The following MYT1L variants were observed in gnomAD, a reference collection of about 807,000 sequenced individuals.
The protein encoded by MYT1L is myelin transcription factor 1 like.
Under a neutral mutation model 126.7 loss-of-function variants are expected in MYT1L, and 12 were observed. The observed-to-expected ratio is 0.09, with a 90% CI of 0.06 to 0.15. MYT1L has a LOEUF of 0.15. Ranked by LOEUF, MYT1L falls within the 10% of genes least tolerant of loss-of-function variation. MYT1L has a pLI of 1.00. For synonymous variants in MYT1L, 541 were observed against 604.2 expected, an observed-to-expected ratio of 0.90 and a Z score of 1.53; for missense variants, 979 against 1,585.2, an observed-to-expected ratio of 0.62 and a Z score of 6.49.
chr2:1,900,884 C>A (rs1171816715), intron 14 of MYT1L, among the ~76,000 whole-genome samples: 1 of 152,148 alleles, frequency 6.6e-6, no homozygotes, highest in Non-Finnish European at 1.5e-5. Context: ...GCTTTAGTGT[C>A]CACAGGAGGG....
At chr2:2,001,237 C>CTTTTTTTTTTTTTTTGT (rs2062354356) in intron 4 of MYT1L, among the ~76,000 whole-genome samples, 1 of 103,908 alleles carries the variant, frequency 9.6e-6, no homozygotes, top group Non-Finnish European at 1.9e-5. Context: ...TTGGTTTTAG[C>CTTTTTTTTTTTTTTTGT]TTTTTTTTTT....
chr2:2,232,876 C>G (rs1042951032), intron 2 of MYT1L, among the ~76,000 whole-genome samples: 17 of 152,186 alleles, frequency 1.1e-4, no homozygotes, highest in Non-Finnish European at 1.5e-5. Context: ...GCTCCCTTCT[C>G]TCTGATTGTA....
At chr2:2,013,061 C>A (rs530501367) in intron 4 of MYT1L, among the ~76,000 whole-genome samples, 1 of 152,096 alleles carries the variant, frequency 6.6e-6, no homozygotes, top group Admixed American at 6.5e-5. Flanking sequence ...GGAATGTATC[C>A]CACAGATACA....
At chr2:2,200,730 A>C (rs60502090) in intron 2 of MYT1L, among the ~76,000 whole-genome samples, 1,882 of 152,286 alleles carry the variant, frequency 0.012, 39 homozygotes, top group African/African-American at 0.043. Context: ...TACTCTTCTG[A>C]AAAGGGAGTT....
chr2:2,010,668 T>C (rs1490216173), intron 4 of MYT1L, among the ~76,000 whole-genome samples: 2 of 152,176 alleles, frequency 1.3e-5, no homozygotes, highest in Non-Finnish European at 2.9e-5. Flanking sequence ...CATGATCTTC[T>C]ATGCAATGGC....
intron 5 of MYT1L, among the ~76,000 whole-genome samples, chr2:1,986,309 C>A (rs965607008): frequency 6.6e-6 from 1 of 152,130 alleles, no homozygotes; most frequent in Non-Finnish European, 1.5e-5. Flanking sequence ...GGGAATGCCA[C>A]GTCAATGGAA....
At chr2:2,200,050 G>T (rs2092993851) in intron 2 of MYT1L, among the ~76,000 whole-genome samples, 1 of 152,108 alleles carries the variant, frequency 6.6e-6, no homozygotes, top group Non-Finnish European at 1.5e-5. Flanking sequence ...GGGCCTTACG[G>T]TTTACAAAAT....
rs1304502003 is a variant in MYT1L at position 1,814,026 on chromosome 2, C to CAAAA, written c.3081-4860_3081-4859insTTTT. 3.5e-4 allele frequency among the ~76,000 whole-genome samples: 31 copies of CAAAA among 88,356 alleles called. 2 individuals are homozygous for CAAAA. The highest frequency in any genetic ancestry group is 1.2e-3 in the East Asian group (4 of 3,354). 58.0% of individuals were successfully genotyped at this position (88,356 alleles called of 152,430 possible). On this transcript the variant is annotated intron_variant, in intron 21 of 24. Transcript: ENST00000647738. ...TGGGCGACAGAGCGAGACTCCGTCC[C>CAAAA]CAAAAAAAAAAAAAAAAGAAAGAAA...
chr2:1,854,420 G>A (rs1370147551), intron 18 of MYT1L, among the ~76,000 whole-genome samples: 1 of 152,172 alleles, frequency 6.6e-6, no homozygotes, highest in African/African-American at 2.4e-5. Context: ...CTCAGGTGCA[G>A]ACTGCAAGCT....
At chr2:1,951,947 A>G (rs1573910032) in intron 8 of MYT1L, among the ~76,000 whole-genome samples, 1 of 152,264 alleles carries the variant, frequency 6.6e-6, no homozygotes, top group Non-Finnish European at 1.5e-5. Flanking sequence ...TTAAATAACT[A>G]GCATTTCCAA....
chr2:2,191,134 G>A (rs1308837083), intron 2 of MYT1L, among the ~76,000 whole-genome samples: 1 of 152,142 alleles, frequency 6.6e-6, no homozygotes, highest in African/African-American at 2.4e-5. Context: ...AGGGTGCACT[G>A]GTTATGTGTC....
chr2:1,861,997 A>ATCCGCCTGCAGCCTGTGTAATCCT (rs1558192114), intron 18 of MYT1L, among the ~76,000 whole-genome samples: 1 of 151,372 alleles, frequency 6.6e-6, no homozygotes. Flanking sequence ...GTAATCCTGG[A>ATCCGCCTGCAGCCTGTGTAATCCT]ATTCGCTGAG....
chr2:2,069,838 T>C (rs1308087532), intron 3 of MYT1L, among the ~76,000 whole-genome samples: 2 of 151,974 alleles, frequency 1.3e-5, no homozygotes, highest in Non-Finnish European at 2.9e-5. Flanking sequence ...ATGAGCTTTT[T>C]TTGGTATGTT....
chr2:1,868,231 G>A (rs2045847112), intron 18 of MYT1L, among the ~76,000 whole-genome samples: 1 of 152,182 alleles, frequency 6.6e-6, no homozygotes, highest in Admixed American at 6.5e-5. Context: ...CCAAAGTGCT[G>A]GGATTACAGG....
intron 18 of MYT1L, among the ~76,000 whole-genome samples, chr2:1,867,484 T>C (rs1328517425): frequency 6.6e-6 from 1 of 152,132 alleles, no homozygotes; most frequent in African/African-American, 2.4e-5. Context: ...GAATCCAAAG[T>C]CCTCAACTTC....
chr2:2,178,532 G>T (rs971496192), intron 2 of MYT1L, among the ~76,000 whole-genome samples: 1 of 152,172 alleles, frequency 6.6e-6, no homozygotes, highest in Non-Finnish European at 1.5e-5. Context: ...AAGGTTGTCT[G>T]GTACCCTCGC....
intron 2 of MYT1L, among the ~76,000 whole-genome samples, chr2:2,271,426 C>G (rs1367951411): frequency 6.6e-6 from 1 of 152,132 alleles, no homozygotes; most frequent in Non-Finnish European, 1.5e-5. Context: ...AAGCTCCCAC[C>G]CCATTCGAAT....
chr2:2,272,643 T>C (rs900291059), intron 2 of MYT1L, among the ~76,000 whole-genome samples: 1 of 152,168 alleles, frequency 6.6e-6, no homozygotes, highest in Non-Finnish European at 1.5e-5. Flanking sequence ...TTCTCTGAAC[T>C]CCTGAAGCCC....
At chr2:2,320,540 A>T (rs940083246) in intron 1 of MYT1L, among the ~76,000 whole-genome samples, 2 of 152,068 alleles carry the variant, frequency 1.3e-5, no homozygotes, top group Non-Finnish European at 2.9e-5. Flanking sequence ...GGTGGGGGAG[A>T]CAAGCAAAAA....
Sources: allele counts gnomAD v4.1 joint callset (sites outside exome capture counted in the v4.1 genomes callset), GRCh38; gene constraint gnomAD v4.1.1; transcripts MANE v1.5; gene names NCBI Gene and HGNC (gene_info 2026-07-23, HGNC 2026-07-21).